Variants in ING1 observed in about 807,000 individuals in gnomAD.
ING1 encodes inhibitor of growth family member 1.
In ING1, 4 loss-of-function variants were observed where a neutral mutation model predicts 23.1. The observed-to-expected ratio is 0.17, with a 90% CI of 0.09 to 0.40. The LOEUF (loss-of-function observed/expected upper bound fraction) is 0.40, where lower values mean the gene tolerates loss of function less well. Among genes scored for constraint, ING1 ranks in the 10% least tolerant of loss-of-function variants. The pLI, the probability that ING1 is intolerant of heterozygous loss-of-function variation, is 1.00. For missense variants in ING1, 256 were observed against 393.8 expected, an observed-to-expected ratio of 0.65 and a Z score of 2.96; for synonymous variants, 179 against 166.4, an observed-to-expected ratio of 1.08 and a Z score of -0.58.
At chr13:110,713,311 C>A (rs1384721109), upstream of ING1, 1 of 1,177,246 alleles carries the variant, frequency 8.5e-7, no homozygotes, top group South Asian at 3.1e-5. Flanking sequence ...ACCATGGTCT[C>A]GGAGGTTTCT....
chr13:110,719,453 G>A lies in ING1; in HGVS notation c.361G>A (p.Asp121Asn), dbSNP rs2064152752. The A allele has an allele frequency of 5.0e-6, 8 of 1,612,652 alleles. No homozygotes were observed. In the East Asian group the frequency reaches 1.1e-4, roughly 22 times the overall value. ...GTTCGAGGCGCAGCAGGAGCTGGGC[G>A]ACACAGCGGGCAACAGCGGCAAGGC... ...ELFEAQQELG[D>N]TAGNSGKAGA... The change falls in exon 2 of 2, where the codon GAC becomes AAC. Residue 121 changes from aspartate to asparagine, a missense_variant. By Grantham distance (23) the Asp-to-Asn change is conservative. This residue lies in a region of ING1 where 209 missense variants were observed against 273.8 expected (regional missense o/e 0.76). Coordinates refer to ENST00000333219, the MANE Select transcript of ING1 (RefSeq NM_198219.3). This position sits in a 1 kb window ranked among gnomAD's most constrained non-coding sequence, Gnocchi z 8.9.
rs766391738 is a variant in ING1 at position 110,719,270 on chromosome 13, C to G, written c.178C>G (p.Arg60Gly). 3 of 1,612,514 alleles carry G rather than the reference C, an allele frequency of 1.9e-6. No homozygotes were observed. Among genetic ancestry groups the G allele is most frequent in the African/African-American group, 1.3e-5 (1 of 74,934 alleles). ...ELDECYERFSRETDGAQKRRM... is the reference protein window; with the variant it reads ...ELDECYERFSGETDGAQKRRM... Reference sequence around the variant, plus strand: ...AGACGAGTGCTACGAGCGCTTCAGTCGCGAGACAGACGGGGCGCAGAAGCG... The same window carrying G: ...AGACGAGTGCTACGAGCGCTTCAGTGGCGAGACAGACGGGGCGCAGAAGCG... Residue 60 changes from arginine to glycine, a missense_variant, in exon 2 of 2, where the codon CGC becomes GGC. By Grantham distance (125) the Arg-to-Gly change is moderately radical (BLOSUM62 -2). This residue lies in a region of ING1 where 209 missense variants were observed against 273.8 expected (regional missense o/e 0.76). Transcript: ENST00000333219. The surrounding 1 kb of genome is among the most constrained non-coding windows in gnomAD (Gnocchi z 8.9).
At position 110,715,620 on chromosome 13, in the gene ING1, G is replaced by T. The variant is rs897023625; in HGVS notation, c.136+1335G>T. Reference sequence around the variant, plus strand: ...GAGTTGATTTGAACGTCTTCGGGTCGCTCGGCCTCCAGCCTTGGATTGGTT... The same window carrying T: ...GAGTTGATTTGAACGTCTTCGGGTCTCTCGGCCTCCAGCCTTGGATTGGTT... On this transcript the variant is annotated intron_variant, in intron 1 of 1. Transcript: ENST00000333219. 17 of 1,613,738 alleles carry T rather than the reference G, an allele frequency of 1.1e-5. No homozygotes were observed. In the African/African-American group the frequency reaches 1.2e-4, roughly 11 times the overall value.
In ING1 at chr13:110,714,109, G is replaced by C. The variant is rs754627662; in HGVS notation, c.-41G>C. 1.0e-5 allele frequency: 15 copies of C among 1,501,178 alleles called. 1 individual carries two copies. In the South Asian group the frequency reaches 1.7e-4, roughly 17 times the overall value. 93.0% of individuals were successfully genotyped at this position (1,501,178 alleles called of 1,614,324 possible). A position where few individuals can be genotyped will look rare whatever the true frequency, so the allele number is the denominator to read the frequency against. ...GAGGGGGGCGGGGGGTGGAGGAAGC[G>C]GAAAGCCGCGCCGAGTCGCCGGGGA... On this transcript the variant is annotated 5_prime_UTR_variant, in exon 1 of 2. Coordinates refer to ENST00000333219, the MANE Select transcript of ING1 (RefSeq NM_198219.3).
rs1172707617 is a variant in ING1 at position 110,722,890 on chromosome 13, C to A, written c.*2958C>A. The A allele has an allele frequency of 6.6e-6, 1 of 151,668 alleles. No individual in the cohort carries two copies. The highest frequency in any genetic ancestry group is 1.5e-5 in the Non-Finnish European group (1 of 67,916). 9.4% of individuals were successfully genotyped at this position (151,668 alleles called of 1,614,324 possible). A position where few individuals can be genotyped will look rare whatever the true frequency, so the allele number is the denominator to read the frequency against. On this transcript the variant is annotated 3_prime_UTR_variant, in exon 2 of 2. Transcript: ENST00000333219. ...TTGGGATTTAGATCATGATTAGATA[C>A]AATAGAAAGATCCTGGAATCCCGAC...
upstream of ING1, chr13:110,713,038 C>G (rs1345870835): frequency 1.6e-5 from 24 of 1,477,630 alleles, no homozygotes; most frequent in Non-Finnish European, 2.1e-5. Flanking sequence ...TGCCAGTGCG[C>G]ATGCGCCGCC....
Position 110,713,893 on chromosome 13 carries a change from G to C in ING1, c.-257G>C. 1.0e-6 allele frequency: 1 copy of C among 981,622 alleles called. No homozygotes were observed. The allele number at this position is 981,622 out of a possible 1,614,324, so 60.8% of individuals were successfully genotyped here. ...GGCGCCAGCCCCGCCGCCTGAGAGG[G>C]GGCCTGCGCCGCCGGCCGGGGCGTG... On this transcript the variant is annotated 5_prime_UTR_variant, in exon 1 of 2. Transcript: ENST00000333219.
At chr13:110,712,722 AGTGT>A (rs771933252), upstream of ING1, 2 of 695,020 alleles carry the variant, frequency 2.9e-6, no homozygotes, top group South Asian at 3.0e-5. Context: ...GGCCTTTCCA[AGTGT>A]GGGGAGCGGC....
intron 1 of ING1, chr13:110,714,883 G>A: frequency 1.4e-6 from 1 of 724,528 alleles, no homozygotes; most frequent in Non-Finnish European, 1.7e-6. Context: ...GCTGGACACC[G>A]AGTAGGGGCC....
upstream of ING1, chr13:110,713,070 T>C: frequency 2.1e-6 from 3 of 1,444,004 alleles, no homozygotes; most frequent in Non-Finnish European, 2.7e-6. Context: ...TGCCCGGCCC[T>C]CCCCTTCCTT....
In ING1 at chr13:110,719,945, C is replaced by G. The variant is rs761265448; in HGVS notation, c.*13C>G. On this transcript the variant is annotated 3_prime_UTR_variant, in exon 2 of 2. Transcript: ENST00000333219. This position sits in a 1 kb window ranked among gnomAD's most constrained non-coding sequence, Gnocchi z 8.9. ...TTACAACAGGTAGTTTGTGGACAGG[C>G]GCCTGGTGTGAGGAGGACAAAATAA... 1.6e-5 allele frequency: 25 copies of G among 1,574,366 alleles called. No individual in the cohort carries two copies. The highest frequency in any genetic ancestry group is 2.2e-5 in the Non-Finnish European group (25 of 1,161,564).
intron 1 of ING1, among the ~76,000 whole-genome samples, chr13:110,716,629 C>T (rs2064126100): frequency 6.6e-6 from 1 of 152,152 alleles, no homozygotes; most frequent in Non-Finnish European, 1.5e-5. Context: ...CTGGGAAGTT[C>T]GCTTCATAAA....
At chr13:110,715,596 A>C in intron 1 of ING1, 1 of 1,613,652 alleles carries the variant, frequency 6.2e-7, no homozygotes, top group Non-Finnish European at 8.5e-7. Context: ...AGGGTGGACG[A>C]GTTGATTTGA....
chr13:110,717,980 C>G (rs1395042280), intron 1 of ING1, among the ~76,000 whole-genome samples: 1 of 152,196 alleles, frequency 6.6e-6, no homozygotes, highest in South Asian at 2.1e-4. Context: ...TTTAGCAAGG[C>G]TGTTTACTTC....
Position 110,714,237 on chromosome 13 carries a change from T to C in ING1, c.88T>C (p.Leu30=). 1 of 1,577,782 alleles carries C rather than the reference T, an allele frequency of 6.3e-7. No homozygotes were observed. Among genetic ancestry groups the C allele is most frequent in the Non-Finnish European group, 8.6e-7 (1 of 1,163,692 alleles). The change falls in exon 1 of 2, where the codon TTG becomes CTG. Residue 30 remains leucine, a synonymous_variant. Transcript: ENST00000333219. The stretch of plus-strand genomic sequence containing the variant: ...CTCCATCGAGTCCCTGCCTTTCGAC[T>C]TGCAGAGAAATGTCTCGCTGATGCG... ...LDSIESLPFD[L]QRNVSLMREI...
rs764272577 is a variant in ING1 at position 110,719,527 on chromosome 13, C to T, written c.435C>T (p.Pro145=). The change falls in exon 2 of 2, where the codon CCC becomes CCT. Residue 145 remains proline (P), a synonymous_variant. Transcript: ENST00000333219. The surrounding 1 kb of genome is among the most constrained non-coding windows in gnomAD (Gnocchi z 8.9). ...AGGCGGCAGCGCAGGCTGACAAGCC[C>T]AACAGCAAGCGCTCACGGCGGCAGC... The part of the protein sequence containing the change: ...KGEAAAQADK[P]NSKRSRRQRN... 30 of 1,610,904 alleles carry T rather than the reference C, an allele frequency of 1.9e-5. No individual in the cohort carries two copies. The highest frequency in any genetic ancestry group is 2.5e-5 in the Non-Finnish European group (29 of 1,178,806).
At position 110,719,359 on chromosome 13, in the gene ING1, C is replaced by G. The variant is rs1049825807; in HGVS notation, c.267C>G (p.Ile89Met). Residue 89 changes from isoleucine to methionine, a missense_variant, in exon 2 of 2, where the codon ATC becomes ATG. By Grantham distance (10) the Ile-to-Met change is conservative. Coordinates refer to ENST00000333219, the MANE Select transcript of ING1 (RefSeq NM_198219.3). This position sits in a 1 kb window ranked among gnomAD's most constrained non-coding sequence, Gnocchi z 8.9. ...IRSQELGDEK[I>M]QIVSQMVELV... The stretch of plus-strand genomic sequence containing the variant: ...GCCAGGAGCTGGGCGACGAGAAGAT[C>G]CAGATCGTGAGCCAGATGGTGGAGC... The G allele has an allele frequency of 3.1e-6, 5 of 1,609,528 alleles. No individual in the cohort carries two copies. The highest frequency in any genetic ancestry group is 1.3e-5 in the African/African-American group (1 of 74,916).
Position 110,719,154 on chromosome 13 carries a change from C to G in ING1, c.137-75C>G. 6.8e-7 allele frequency: 1 copy of G among 1,471,378 alleles called. No individual in the cohort carries two copies. The highest frequency in any genetic ancestry group is 9.3e-7 in the Non-Finnish European group (1 of 1,071,114). 91.1% of individuals were successfully genotyped at this position (1,471,378 alleles called of 1,614,324 possible). On this transcript the variant is annotated intron_variant, in intron 1 of 1. Coordinates refer to ENST00000333219, the MANE Select transcript of ING1 (RefSeq NM_198219.3). The surrounding 1 kb of genome is among the most constrained non-coding windows in gnomAD (Gnocchi z 8.9). Reference sequence around the variant, plus strand: ...CCCTAGGCTCCCTGCCAGCCCTCTCCGTAGACCCGTCCGGGGCCGTGTGGG... The same window carrying G: ...CCCTAGGCTCCCTGCCAGCCCTCTCGGTAGACCCGTCCGGGGCCGTGTGGG...
intron 1 of ING1, chr13:110,715,977 C>T (rs755263938): frequency 6.5e-5 from 98 of 1,516,380 alleles, no homozygotes; most frequent in Non-Finnish European, 8.4e-5. Context: ...CTCTGCTGAC[C>T]CGAGGGTGGG....
Sources: gnomAD v4.1 joint callset for allele counts (sites outside exome capture counted in the v4.1 genomes callset) on GRCh38, gnomAD v4.1.1 for gene constraint, gnomAD v4.1.1 regional missense constraint, Gnocchi (gnomAD v3.1) non-coding constraint, MANE v1.5 for transcripts, NCBI Gene and HGNC (gene_info 2026-07-23, HGNC 2026-07-21) for gene names.